Variants in IQSEC3 observed in about 807,000 individuals in gnomAD.
IQSEC3 encodes IQ motif and Sec7 domain ArfGEF 3.
In IQSEC3, 50 loss-of-function variants were observed where a neutral mutation model predicts 105.4. That is an observed-to-expected ratio of 0.47 (90% CI 0.38 to 0.60). The LOEUF (loss-of-function observed/expected upper bound fraction) is 0.60. Ranked by LOEUF, IQSEC3 falls within the 20% of genes least tolerant of loss-of-function variation. IQSEC3 has a pLI of 0.00. For missense variants in IQSEC3, 1,415 were observed against 1,630.0 expected (o/e 0.87, Z 2.27); for synonymous variants, 708 against 746.0 (o/e 0.95, Z 0.83).
At chr12:123,552 AT>A (rs1338533421) in intron 2 of IQSEC3, among the ~76,000 whole-genome samples, 1 of 152,184 alleles carries the variant, frequency 6.6e-6, no homozygotes, top group African/African-American at 2.4e-5. Context: ...AGCAATGAAG[AT>A]TTTTCACGGC....
At chr12:74,355 C>T (rs542356668) in intron 1 of IQSEC3, among the ~76,000 whole-genome samples, 1 of 152,270 alleles carries the variant, frequency 6.6e-6, no homozygotes, top group Admixed American at 6.5e-5. Flanking sequence ...AGATATCTTC[C>T]AGGAAAATGA....
chr12:147,721 G>C (rs1866335658), intron 5 of IQSEC3: 1 of 152,246 alleles, frequency 6.6e-6, no homozygotes. Context: ...CAGCGGCAGA[G>C]AAATTGAACA....
intron 1 of IQSEC3, among the ~76,000 whole-genome samples, chr12:98,825 G>T (rs1232321907): frequency 4.6e-5 from 7 of 152,230 alleles, no homozygotes; most frequent in Admixed American, 4.6e-4. Context: ...CAGGACATTT[G>T]GTACATGCAC....
chr12:120,146 A>T (rs2136958550), intron 2 of IQSEC3, among the ~76,000 whole-genome samples: 2 of 152,356 alleles, frequency 1.3e-5, no homozygotes, highest in South Asian at 4.1e-4. Context: ...GAATAATTAA[A>T]GCACAAAGTG....
In IQSEC3 at chr12:136,900, G is replaced by A. The variant is rs1865786509; in HGVS notation, c.904-1367G>A. Among the ~76,000 whole-genome samples, 5 of 152,262 alleles carry A rather than the reference G, an allele frequency of 3.3e-5. No homozygotes were observed. In the South Asian group the frequency reaches 1.0e-3, roughly 32 times the overall value. On this transcript the variant is annotated intron_variant, in intron 3 of 13. Coordinates refer to ENST00000538872, the MANE Select transcript of IQSEC3 (RefSeq NM_001170738.2). ...GTCCTTTCCTGAGAAGTTTCCATAG[G>A]GAGGAAAAGTGAGAGCGTAGCAACC...
At position 138,447 on chromosome 12, in the gene IQSEC3, G is replaced by A. The variant is rs782138378; in HGVS notation, c.1084G>A (p.Glu362Lys). Residue 362 changes from glutamate (E) to lysine (K), a missense_variant, in exon 4 of 14, where the codon GAG (glutamate) becomes AAG (lysine). Transcript: ENST00000538872. This position sits in a 1 kb window ranked among gnomAD's most constrained non-coding sequence, Gnocchi z 7.1. ...SLRKVRSPTA[E>K]SLAAEKALME... The stretch of plus-strand genomic sequence containing the variant: ...GCGCAAGGTGCGGTCACCCACGGCC[G>A]AGAGCCTGGCGGCCGAGAAAGCGCT... The A allele has an allele frequency of 4.4e-6, 7 of 1,604,384 alleles. No individual in the cohort carries two copies. The highest frequency in any genetic ancestry group is 2.2e-5 in the East Asian group (1 of 44,814).
chr12:87,409 G>C (rs12425974), intron 1 of IQSEC3, among the ~76,000 whole-genome samples: 59,900 of 151,938 alleles, frequency 0.39, 13,949 homozygotes, highest in Non-Finnish European at 0.54. Context: ...AGGGAGATTT[G>C]GGCCAACGTA....
intron 1 of IQSEC3, among the ~76,000 whole-genome samples, chr12:72,607 C>T (rs556880490): frequency 8.1e-5 from 10 of 124,218 alleles, no homozygotes; most frequent in African/African-American, 2.3e-4. Context: ...GTTTCCAAGG[C>T]TGGGACCACT....
Position 163,505 on chromosome 12 carries a change from G to A in IQSEC3, c.2595G>A (p.Val865=). Residue 865 remains valine (V), a synonymous_variant, in exon 9 of 14, where the codon GTG becomes GTA. Transcript: ENST00000538872. ...CTGCCCGCGTGCAGGTGCTGTCCGT[G>A]CCCCACCGCCGCCTGGTGTGCTGCA... ...SIVGMKTVLS[V]PHRRLVCCSR... The A allele has an allele frequency of 1.2e-6, 2 of 1,608,738 alleles. No individual in the cohort carries two copies. The highest frequency in any genetic ancestry group is 1.7e-6 in the Non-Finnish European group (2 of 1,177,776).
intron 2 of IQSEC3, among the ~76,000 whole-genome samples, chr12:124,503 G>T (rs1565412942): frequency 6.6e-6 from 1 of 152,160 alleles, no homozygotes; most frequent in Non-Finnish European, 1.5e-5. Context: ...TCCTAAGGTA[G>T]GAACTAGGAC....
chr12:119,025 G>A (rs970507735), intron 2 of IQSEC3, among the ~76,000 whole-genome samples: 2 of 152,200 alleles, frequency 1.3e-5, no homozygotes, highest in African/African-American at 2.4e-5. Flanking sequence ...TAACCTATGG[G>A]TTCATTTCAT....
chr12:104,391 A>G (rs1555077302), intron 2 of IQSEC3, among the ~76,000 whole-genome samples: 1 of 152,202 alleles, frequency 6.6e-6, no homozygotes, highest in Non-Finnish European at 1.5e-5. Flanking sequence ...CTCTGATTAT[A>G]AGTCATACAC....
intron 1 of IQSEC3, among the ~76,000 whole-genome samples, chr12:80,250 C>T (rs545723754): frequency 5.1e-4 from 77 of 152,288 alleles, no homozygotes; most frequent in African/African-American, 1.8e-3. Context: ...AGTGCTTCTC[C>T]GTCTGAAAAC....
At chr12:143,843 G>GTGTGTGTA (rs1201674348) in intron 5 of IQSEC3, 15 of 158,542 alleles carry the variant, frequency 9.5e-5, no homozygotes, top group Non-Finnish European at 1.9e-4. Flanking sequence ...GTGTGTGTGT[G>GTGTGTGTA]TGTGTGTGTG....
intron 3 of IQSEC3, among the ~76,000 whole-genome samples, chr12:129,401 G>T (rs1326165526): frequency 1.3e-5 from 2 of 152,152 alleles, no homozygotes; most frequent in Non-Finnish European, 2.9e-5. Context: ...AGCAAACGAG[G>T]CCTACCCTCC....
chr12:132,421 C>T (rs573641960), intron 3 of IQSEC3, among the ~76,000 whole-genome samples: 9 of 152,100 alleles, frequency 5.9e-5, no homozygotes, highest in Admixed American at 1.3e-4. Flanking sequence ...CAAAGAAAAG[C>T]CTGTGTTGAC....
At chr12:171,463 G>GC in intron 13 of IQSEC3, 1 of 708,054 alleles carries the variant, frequency 1.4e-6, no homozygotes, top group South Asian at 1.8e-5. Context: ...CATCCTTCCT[G>GC]TGTGCCCCCA....
At position 152,335 on chromosome 12, in the gene IQSEC3, C is replaced by A. The variant is rs181635829; in HGVS notation, c.2154-4690C>A. 3.3e-3 allele frequency among the ~76,000 whole-genome samples: 509 copies of A among 152,296 alleles called. 2 individuals carry two copies. The highest frequency in any genetic ancestry group is 0.012 in the African/African-American group (497 of 41,560). On this transcript the variant is annotated intron_variant, in intron 5 of 13. Transcript: ENST00000538872. The surrounding 1 kb of genome is among the most constrained non-coding windows in gnomAD (Gnocchi z 4.8). ...TGTGTAACTGTGTCCACGGGCTTCTCCTTGGCCTCTCACAGGTCCCCACCA... is the reference window on the plus strand; with the variant it reads ...TGTGTAACTGTGTCCACGGGCTTCTACTTGGCCTCTCACAGGTCCCCACCA...
intron 2 of IQSEC3, among the ~76,000 whole-genome samples, chr12:118,768 A>C (rs1555081194): frequency 1.3e-5 from 2 of 152,194 alleles, no homozygotes; most frequent in African/African-American, 4.8e-5. Flanking sequence ...GGCCTCGGTC[A>C]GCACCTTCCT....
Sources: allele counts gnomAD v4.1 joint callset (sites outside exome capture counted in the v4.1 genomes callset), GRCh38; gene constraint gnomAD v4.1.1; non-coding constraint Gnocchi (gnomAD v3.1); transcripts MANE v1.5; gene names NCBI Gene and HGNC (gene_info 2026-07-23, HGNC 2026-07-21).